SGCZ: variants seen among roughly 807,000 people sequenced by gnomAD.
The protein encoded by SGCZ is sarcoglycan zeta.
Under a neutral mutation model 41.3 loss-of-function variants are expected in SGCZ, and 40 were observed. The ratio of observed to expected loss-of-function variants is 0.97; its 90% CI spans 0.75 to 1.26. SGCZ has a LOEUF of 1.26. SGCZ is among the 50% of genes most tolerant of loss of function. SGCZ has a pLI of 0.00. For missense variants in SGCZ, 552 were observed against 369.8 expected, an observed-to-expected ratio of 1.49 and a Z score of -4.04; for synonymous variants, 206 against 137.5, an observed-to-expected ratio of 1.50 and a Z score of -3.49.
chr8:14,374,977 C>A (rs1804059104), intron 2 of SGCZ, among the ~76,000 whole-genome samples: 1 of 152,024 alleles, frequency 6.6e-6, no homozygotes, highest in Non-Finnish European at 1.5e-5. Flanking sequence ...TGTAAGGTTT[C>A]AGGTTTTGGC....
Position 14,311,805 on chromosome 8 carries a change from T to A in SGCZ, c.336+12298A>T, listed in dbSNP as rs546282896. 4.8e-4 allele frequency among the ~76,000 whole-genome samples: 73 copies of A among 151,268 alleles called. 1 individual carries two copies. The South Asian group carries it at 0.014, about 30-fold the overall frequency. On this transcript the variant is annotated intron_variant, in intron 3 of 7. Transcript: ENST00000382080. Reference sequence around the variant, plus strand: ...GTTCACTGAAATGTGTATTTTTTTCTGTATGTAAATACACTGTAATAAAAA... The same window carrying A: ...GTTCACTGAAATGTGTATTTTTTTCAGTATGTAAATACACTGTAATAAAAA...
intron 1 of SGCZ, among the ~76,000 whole-genome samples, chr8:14,677,731 A>C (rs1424809570): frequency 6.6e-6 from 1 of 152,210 alleles, no homozygotes; most frequent in Non-Finnish European, 1.5e-5. Flanking sequence ...AGATCGCACA[A>C]GTAAACTCCA....
At chr8:14,440,209 T>C (rs1394182615) in intron 2 of SGCZ, among the ~76,000 whole-genome samples, 1 of 152,084 alleles carries the variant, frequency 6.6e-6, no homozygotes, top group East Asian at 1.9e-4. Flanking sequence ...CTATATGTCA[T>C]AGATATATGA....
intron 1 of SGCZ, among the ~76,000 whole-genome samples, chr8:14,960,781 T>C (rs974763026): frequency 8.5e-5 from 13 of 152,128 alleles, no homozygotes; most frequent in Admixed American, 3.3e-4. Flanking sequence ...TCATCATTTC[T>C]ACTACATCAA....
At chr8:14,480,985 T>G (rs1007226984) in intron 2 of SGCZ, among the ~76,000 whole-genome samples, 9 of 152,036 alleles carry the variant, frequency 5.9e-5, no homozygotes, top group African/African-American at 2.2e-4. Context: ...AACTTTAATA[T>G]TCACAGTTTA....
intron 2 of SGCZ, among the ~76,000 whole-genome samples, chr8:14,377,747 T>C (rs973929787): frequency 2.6e-5 from 4 of 151,822 alleles, no homozygotes; most frequent in Admixed American, 6.6e-5. Context: ...ATCTCATTGT[T>C]CAATTCCCAC....
At chr8:14,409,308 G>A (rs1344239145) in intron 2 of SGCZ, among the ~76,000 whole-genome samples, 1 of 151,836 alleles carries the variant, frequency 6.6e-6, no homozygotes, top group Non-Finnish European at 1.5e-5. Context: ...TGTATAGGAG[G>A]GGGCCTCTTA....
intron 5 of SGCZ, among the ~76,000 whole-genome samples, chr8:14,150,176 G>A (rs1432081266): frequency 6.6e-6 from 1 of 151,966 alleles, no homozygotes; most frequent in Non-Finnish European, 1.5e-5. Flanking sequence ...TGGACAAATA[G>A]GATCAAATCA....
intron 1 of SGCZ, among the ~76,000 whole-genome samples, chr8:14,946,675 AT>A (rs5889556): frequency 0.092 from 12,134 of 132,124 alleles, 600 homozygotes; most frequent in African/African-American, 0.18. Context: ...AGAAATCTGT[AT>A]TTTTTTTTTT....
chr8:14,440,207 C>CA (rs1800207824), intron 2 of SGCZ, among the ~76,000 whole-genome samples: 1 of 151,802 alleles, frequency 6.6e-6, no homozygotes, highest in South Asian at 2.1e-4. Context: ...GCCTATATGT[C>CA]ATAGATATAT....
At chr8:14,301,816 T>C (rs1381525203) in intron 3 of SGCZ, among the ~76,000 whole-genome samples, 1 of 152,190 alleles carries the variant, frequency 6.6e-6, no homozygotes, top group Non-Finnish European at 1.5e-5. Context: ...TATGACTTTA[T>C]AGTATTTTGT....
chr8:14,784,902 C>CAAAAAAAAAAAAAAAAAA (rs1182679983), intron 1 of SGCZ, among the ~76,000 whole-genome samples: 6 of 39,550 alleles, frequency 1.5e-4, no homozygotes, highest in Non-Finnish European at 1.6e-4. Flanking sequence ...AACTCTGCCT[C>CAAAAAAAAAAAAAAAAAA]AAAAAAAAAA....
rs1022696030 is a variant in SGCZ at position 15,012,476 on chromosome 8, A to T, written c.39+225109T>A. 2.2e-4 allele frequency among the ~76,000 whole-genome samples: 31 copies of T among 139,954 alleles called. 1 individual carries two copies. Among genetic ancestry groups the T allele is most frequent in the Non-Finnish European group, 6.1e-5 (4 of 65,600 alleles). The allele number at this position is 139,954 out of a possible 152,430, so 91.8% of individuals were successfully genotyped here. Reference sequence around the variant, plus strand: ...AGACTTTTTCTAAAAAATAAATATAAATATATATATATATAAAATAAATGT... The same window carrying T: ...AGACTTTTTCTAAAAAATAAATATATATATATATATATATAAAATAAATGT... On this transcript the variant is annotated intron_variant, in intron 1 of 7. Coordinates refer to ENST00000382080, the MANE Select transcript of SGCZ (RefSeq NM_139167.4).
chr8:14,991,116 T>C (rs1423602900), intron 1 of SGCZ, among the ~76,000 whole-genome samples: 1 of 152,196 alleles, frequency 6.6e-6, no homozygotes, highest in Non-Finnish European at 1.5e-5. Context: ...TTTTAACATT[T>C]TGGCAAGCAT....
intron 1 of SGCZ, among the ~76,000 whole-genome samples, chr8:15,216,214 T>A (rs1801394335): frequency 1.4e-5 from 1 of 71,390 alleles, no homozygotes; most frequent in South Asian, 6.4e-4. Context: ...TAGCTTATTC[T>A]TTTTTTTTCT....
chr8:14,350,466 C>T (rs968258672), intron 2 of SGCZ, among the ~76,000 whole-genome samples: 4 of 152,128 alleles, frequency 2.6e-5, no homozygotes, highest in African/African-American at 9.7e-5. Context: ...CCCATGCTAT[C>T]AGGAGTGTTA....
intron 1 of SGCZ, among the ~76,000 whole-genome samples, chr8:15,216,087 C>T (rs1399561248): frequency 1.3e-5 from 2 of 152,202 alleles, no homozygotes; most frequent in Middle Eastern, 6.8e-3. Context: ...GCCCCATCTA[C>T]TCTGATACCC....
chr8:14,658,584 T>G (rs1317112889), intron 1 of SGCZ, among the ~76,000 whole-genome samples: 1 of 152,186 alleles, frequency 6.6e-6, no homozygotes, highest in Non-Finnish European at 1.5e-5. Flanking sequence ...CCTTAATTCT[T>G]ACTTAGATTA....
chr8:15,012,539 A>T (rs1174982333), intron 1 of SGCZ, among the ~76,000 whole-genome samples: 1 of 112,492 alleles, frequency 8.9e-6, no homozygotes, highest in East Asian at 3.1e-4. Flanking sequence ...TGAACATATA[A>T]AAATATGAAT....
Sources: gnomAD v4.1 joint callset for allele counts (sites outside exome capture counted in the v4.1 genomes callset) on GRCh38, gnomAD v4.1.1 for gene constraint, MANE v1.5 for transcripts, NCBI Gene and HGNC (gene_info 2026-07-23, HGNC 2026-07-21) for gene names.